The following GARIN2 variants were observed in gnomAD, a reference collection of about 807,000 sequenced individuals.
GARIN2 encodes golgi associated RAB2 interactor family member 2.
the GARIN2 span, chr14:67,199,579 C>A: frequency 2.1e-5 from 34 of 1,595,416 alleles, no homozygotes; most frequent in Non-Finnish European, 1.7e-6. Context: ...ACCCTATCAC[C>A]GTATCTTATG....
the GARIN2 span, among the ~76,000 whole-genome samples, chr14:67,207,790 T>A: frequency 1.3e-5 from 2 of 152,178 alleles, no homozygotes; most frequent in Non-Finnish European, 2.9e-5. Context: ...CAAAAAAAAA[T>A]TTCTTTTATA....
the GARIN2 span, among the ~76,000 whole-genome samples, chr14:67,191,185 G>A: frequency 6.6e-6 from 1 of 152,158 alleles, no homozygotes; most frequent in Non-Finnish European, 1.5e-5. Flanking sequence ...AGTGAGCCAA[G>A]ATCACACCAC....
the GARIN2 span, among the ~76,000 whole-genome samples, chr14:67,193,388 T>C: frequency 7.1e-6 from 1 of 140,730 alleles, no homozygotes; most frequent in Non-Finnish European, 1.5e-5. Context: ...TAGATATATC[T>C]AGATATATCT....
the GARIN2 span, among the ~76,000 whole-genome samples, chr14:67,190,462 A>G: frequency 6.6e-6 from 1 of 151,890 alleles, no homozygotes; most frequent in African/African-American, 2.4e-5. Context: ...ACCTCAAGAG[A>G]TCCACCTGCC....
At chr14:67,206,255 T>C in the GARIN2 span, among the ~76,000 whole-genome samples, 1,209 of 152,116 alleles carry the variant, frequency 7.9e-3, 11 homozygotes, top group Admixed American at 0.018. Context: ...TCCCAGCACT[T>C]TGGGAGACCG....
At chr14:67,190,920 A>C in the GARIN2 span, among the ~76,000 whole-genome samples, 3 of 152,344 alleles carry the variant, frequency 2.0e-5, 1 homozygote, top group South Asian at 6.2e-4. Context: ...AATGAGTGAC[A>C]GGTAAATGCT....
the GARIN2 span, among the ~76,000 whole-genome samples, chr14:67,206,299 A>C: frequency 6.6e-6 from 1 of 152,124 alleles, no homozygotes; most frequent in Non-Finnish European, 1.5e-5. Context: ...AGGAGTTGAG[A>C]CTAGCCTGGC....
At chr14:67,213,931 T>C in the GARIN2 span, among the ~76,000 whole-genome samples, 2 of 152,238 alleles carry the variant, frequency 1.3e-5, no homozygotes, top group Admixed American at 1.3e-4. Context: ...GTGAGCATTT[T>C]TTCATGTGTT....
the GARIN2 span, chr14:67,199,088 G>A: frequency 9.6e-7 from 1 of 1,041,390 alleles, no homozygotes; most frequent in East Asian, 2.4e-5. Flanking sequence ...TCTCCGAGCG[G>A]AACCAGGATG....
chr14:67,223,633 C>A, the GARIN2 span: 2 of 755,836 alleles, frequency 2.6e-6, no homozygotes, highest in Non-Finnish European at 3.2e-6. Context: ...GCACAACTTA[C>A]AAAATGGGCA....
the GARIN2 span, chr14:67,200,574 C>A: frequency 4.4e-6 from 1 of 227,716 alleles, no homozygotes; most frequent in Non-Finnish European, 8.3e-6. Context: ...AAGGAGACTT[C>A]ATCTTCCATT....
chr14:67,225,648 G>A, the GARIN2 span, among the ~76,000 whole-genome samples: 11 of 151,922 alleles, frequency 7.2e-5, no homozygotes, highest in South Asian at 2.1e-4. Flanking sequence ...ACAGATATTC[G>A]TAGAGTGCCT....
chr14:67,218,927 C>T, the GARIN2 span, among the ~76,000 whole-genome samples: 1 of 151,984 alleles, frequency 6.6e-6, no homozygotes, highest in Non-Finnish European at 1.5e-5. Context: ...CACAGCAGAT[C>T]CTGGCCCAGG....
At chr14:67,196,594 C>T in the GARIN2 span, among the ~76,000 whole-genome samples, 1 of 152,202 alleles carries the variant, frequency 6.6e-6, no homozygotes, top group South Asian at 2.1e-4. Flanking sequence ...ACACTTTAAA[C>T]AGCAATTAAA....
the GARIN2 span, among the ~76,000 whole-genome samples, chr14:67,228,092 C>G: frequency 6.6e-6 from 1 of 151,674 alleles, no homozygotes; most frequent in Admixed American, 6.6e-5. Flanking sequence ...ATTGCTTGAA[C>G]CCAGGAGGCA....
chr14:67,210,652 A>G, the GARIN2 span, among the ~76,000 whole-genome samples: 1 of 152,022 alleles, frequency 6.6e-6, no homozygotes, highest in East Asian at 1.9e-4. Flanking sequence ...GATTACACAT[A>G]TAATTGTAAA....
the GARIN2 span, among the ~76,000 whole-genome samples, chr14:67,192,712 T>A: frequency 1.2e-4 from 18 of 149,294 alleles, no homozygotes; most frequent in South Asian, 2.1e-4. Flanking sequence ...GCTGCTGTTT[T>A]AAAAAAAAAA....
At chr14:67,208,239 A>C in the GARIN2 span, 5 of 1,614,050 alleles carry the variant, frequency 3.1e-6, no homozygotes, top group Non-Finnish European at 4.2e-6. Flanking sequence ...GGGTGTTTAC[A>C]AGATACAAAA....
At chr14:67,214,378 A>C in the GARIN2 span, among the ~76,000 whole-genome samples, 4 of 152,152 alleles carry the variant, frequency 2.6e-5, no homozygotes, top group African/African-American at 9.7e-5. Context: ...TCAGCTTTCT[A>C]CATATGGCTA....
Sources: allele counts gnomAD v4.1 joint callset (sites outside exome capture counted in the v4.1 genomes callset), GRCh38; gene constraint gnomAD v4.1.1; transcripts MANE v1.5; gene names NCBI Gene and HGNC (gene_info 2026-07-23, HGNC 2026-07-21).